Variants in COBL observed in about 807,000 individuals in gnomAD.
COBL encodes the protein protein cordon-bleu.
A neutral mutation model predicts 98.8 loss-of-function variants in COBL; 51 were observed. The observed-to-expected ratio is 0.52, with a 90% confidence interval of 0.41 to 0.65. The LOEUF (loss-of-function observed/expected upper bound fraction) is 0.65, where lower values mean the gene tolerates loss of function less well. Ranked by LOEUF, COBL falls within the 30% of genes least tolerant of loss-of-function variation. The pLI is 0.00. For missense variants in COBL, 1,617 were observed against 1,617.5 expected (o/e 1.00, Z 0.01); for synonymous variants, 634 against 651.7 (o/e 0.97, Z 0.41).
At chr7:51,306,584 C>G (rs991378240) in intron 1 of COBL, among the ~76,000 whole-genome samples, 1 of 152,146 alleles carries the variant, frequency 6.6e-6, no homozygotes, top group Non-Finnish European at 1.5e-5. Flanking sequence ...TCAGGCAGAA[C>G]ATCTTGCTTT....
chr7:51,196,455 T>G (rs933357198), intron 2 of COBL, among the ~76,000 whole-genome samples: 4 of 152,156 alleles, frequency 2.6e-5, no homozygotes, highest in Admixed American at 6.5e-5. Context: ...TGGCCTGAAG[T>G]TTTCTTTTTG....
chr7:51,068,766 C>A (rs1792226733), intron 7 of COBL, among the ~76,000 whole-genome samples: 1 of 152,166 alleles, frequency 6.6e-6, no homozygotes, highest in Non-Finnish European at 1.5e-5. Context: ...TAAAAAATAG[C>A]ATAAAACCCA....
At chr7:51,244,260 T>G (rs965740125) in intron 1 of COBL, among the ~76,000 whole-genome samples, 2 of 152,202 alleles carry the variant, frequency 1.3e-5, no homozygotes, top group Non-Finnish European at 2.9e-5. Flanking sequence ...CTAAGTCCTC[T>G]ACAGACGCCT....
At chr7:51,277,690 C>T (rs570813810) in intron 1 of COBL, among the ~76,000 whole-genome samples, 1 of 152,172 alleles carries the variant, frequency 6.6e-6, no homozygotes, top group East Asian at 1.9e-4. Flanking sequence ...AATACTCTGC[C>T]CATTGTAGTT....
At chr7:51,088,098 C>A (rs1583746758) in intron 6 of COBL, among the ~76,000 whole-genome samples, 1 of 152,122 alleles carries the variant, frequency 6.6e-6, no homozygotes, top group East Asian at 1.9e-4. Context: ...CTGAGTCCTT[C>A]CTGCTGGGAA....
rs201215118 is a variant in COBL at position 51,136,231 on chromosome 7, G to A, written c.884C>T (p.Ser295Leu). 4.1e-5 allele frequency: 66 copies of A among 1,613,714 alleles called. No homozygotes were observed. The highest frequency in any genetic ancestry group is 5.0e-5 in the Non-Finnish European group (59 of 1,180,024). The stretch of plus-strand genomic sequence containing the variant: ...AGGGGCTCGGCGCTTCTTCATCTCC[G>A]ACTTCACGGACACCCCTGAGATGCT... ...LGSISGVSVK[S>L]EMKKRRAPPP... Residue 295 changes from serine to leucine, a missense_variant, in exon 6 of 13, where the codon TCG becomes TTG. Physicochemically the swap from Ser to Leu is moderately radical, Grantham distance 145. Around this residue, in one of 3 missense-constraint regions of COBL, gnomAD observed 1,304 missense variants for 1,282.0 expected, o/e 1.02. Coordinates refer to ENST00000265136, the MANE Select transcript of COBL (RefSeq NM_015198.5).
intron 5 of COBL, among the ~76,000 whole-genome samples, chr7:51,177,239 G>T (rs1257558432): frequency 6.6e-6 from 1 of 152,092 alleles, no homozygotes; most frequent in Non-Finnish European, 1.5e-5. Flanking sequence ...GCTCACTTGT[G>T]CCTCCTGAAA....
chr7:51,132,652 A>T (rs1350016979), intron 6 of COBL, among the ~76,000 whole-genome samples: 1 of 152,174 alleles, frequency 6.6e-6, no homozygotes, highest in African/African-American at 2.4e-5. Flanking sequence ...GAAACACCTG[A>T]GACTGGGTAA....
intron 6 of COBL, among the ~76,000 whole-genome samples, chr7:51,096,947 C>A (rs189635245): frequency 1.6e-4 from 25 of 152,264 alleles, no homozygotes; most frequent in Non-Finnish European, 1.2e-4. Context: ...TTTTCAAAAT[C>A]TTTCCAAATA....
At chr7:51,092,601 G>A (rs1794915307) in intron 6 of COBL, among the ~76,000 whole-genome samples, 1 of 152,022 alleles carries the variant, frequency 6.6e-6, no homozygotes, top group Admixed American at 6.6e-5. Context: ...AAACACTTGG[G>A]TTTATTTCTG....
rs762604321 is a variant in COBL, at chr7:51,028,558, C to T, written c.2538G>A (p.Val846=). ...TGACTTCTGTGGTGTGAGCTGCTGG[C>T]ACCCTCACGTGACCCATGCCCATGG... ...PPTMGMGHVR[V]PAAHTTEVTF... The change falls in exon 10 of 13, where the codon GTG becomes GTA. Residue 846 remains valine (V), a synonymous_variant. Coordinates refer to ENST00000265136, the MANE Select transcript of COBL (RefSeq NM_015198.5). 4 of 1,614,274 alleles carry T rather than the reference C, an allele frequency of 2.5e-6. No homozygotes were observed. In the South Asian group the frequency reaches 3.3e-5, roughly 13 times the overall value.
At chr7:51,161,702 G>A (rs1786828960) in intron 5 of COBL, among the ~76,000 whole-genome samples, 1 of 152,182 alleles carries the variant, frequency 6.6e-6, no homozygotes, top group South Asian at 2.1e-4. Context: ...AAGAAATGCA[G>A]AGATATCTGA....
intron 1 of COBL, among the ~76,000 whole-genome samples, chr7:51,232,792 C>G (rs918562905): frequency 6.6e-6 from 1 of 151,702 alleles, no homozygotes; most frequent in Non-Finnish European, 1.5e-5. Flanking sequence ...GCCTGGATGA[C>G]AGAGAGAGAC....
At chr7:51,044,228 G>C (rs964849043) in intron 7 of COBL, among the ~76,000 whole-genome samples, 7 of 152,192 alleles carry the variant, frequency 4.6e-5, no homozygotes, top group Non-Finnish European at 1.0e-4. Flanking sequence ...TGTGAGGCCA[G>C]TTTCTGTGGT....
At chr7:51,030,305 G>C (rs1410798692) in intron 9 of COBL, among the ~76,000 whole-genome samples, 1 of 152,138 alleles carries the variant, frequency 6.6e-6, no homozygotes. Context: ...AGATTCCCTA[G>C]CTGTTTACTG....
intron 10 of COBL, 46 bp from the exon 11 acceptor site, chr7:51,026,711 A>T: frequency 6.3e-7 from 1 of 1,597,572 alleles, no homozygotes; most frequent in Non-Finnish European, 8.6e-7. Flanking sequence ...ACATGGAGAA[A>T]TGTGAACTGT....
chr7:51,300,605 T>A (rs1457744414), intron 1 of COBL, among the ~76,000 whole-genome samples: 3 of 152,184 alleles, frequency 2.0e-5, no homozygotes, highest in Non-Finnish European at 4.4e-5. Flanking sequence ...TGGGTCTGCA[T>A]CCTGTCACCA....
chr7:51,086,112 A>G (rs922867108), intron 6 of COBL, among the ~76,000 whole-genome samples: 1 of 152,080 alleles, frequency 6.6e-6, no homozygotes, highest in Non-Finnish European at 1.5e-5. Flanking sequence ...TCTCCTCCTC[A>G]TTAGGGCGAA....
At chr7:51,149,716 C>A (rs985670745) in intron 5 of COBL, among the ~76,000 whole-genome samples, 1 of 152,192 alleles carries the variant, frequency 6.6e-6, no homozygotes, top group African/African-American at 2.4e-5. Context: ...GAGAGATTCT[C>A]CTGCCTCAGC....
Sources: gnomAD v4.1 joint callset for allele counts (sites outside exome capture counted in the v4.1 genomes callset) on GRCh38, gnomAD v4.1.1 for gene constraint, gnomAD v4.1.1 regional missense constraint, MANE v1.5 for transcripts, NCBI Gene and HGNC (gene_info 2026-07-23, HGNC 2026-07-21) for gene names.